HYDIN: variants seen among roughly 807,000 people sequenced by gnomAD.
HYDIN encodes the protein axonemal central pair apparatus protein HYDIN.
HYDIN carries 132 observed loss-of-function variants against 403.9 expected under a neutral mutation model. The observed-to-expected ratio is 0.33, with a 90% CI of 0.28 to 0.38. The LOEUF is 0.38. HYDIN is among the 10% of genes least tolerant of loss of function. HYDIN has a pLI of 1.00. For missense variants in HYDIN, 2,827 were observed against 5,009.5 expected (o/e 0.56, Z 13.15); for synonymous variants, 1,202 against 1,891.7 (o/e 0.64, Z 9.46).
At chr16:70,820,187 CTTTTTT>C (rs57769826) in intron 83 of HYDIN, among the ~76,000 whole-genome samples, 3 of 91,814 alleles carry the variant, frequency 3.3e-5, no homozygotes, top group Non-Finnish European at 4.4e-5. Context: ...TTTCTTTTTT[CTTTTTT>C]TTTTTTTTTT....
At chr16:71,139,476 AT>A (rs1237806180) in intron 7 of HYDIN, among the ~76,000 whole-genome samples, 4 of 152,192 alleles carry the variant, frequency 2.6e-5, no homozygotes, top group Non-Finnish European at 5.9e-5. Context: ...CCAATTATAC[AT>A]ACTATGTTTA....
chr16:71,128,152 T>C (rs890746321), intron 9 of HYDIN, among the ~76,000 whole-genome samples: 5 of 152,220 alleles, frequency 3.3e-5, no homozygotes, highest in African/African-American at 1.2e-4. Flanking sequence ...TCTTTGACTA[T>C]GAAAATCACC....
At chr16:71,051,645 C>CAAAAAAA (rs56676777) in intron 18 of HYDIN, among the ~76,000 whole-genome samples, 100 of 120,036 alleles carry the variant, frequency 8.3e-4, no homozygotes, top group African/African-American at 2.0e-3. Context: ...GACTCTGTCT[C>CAAAAAAA]AAAAAAAAAA....
intron 15 of HYDIN, among the ~76,000 whole-genome samples, chr16:71,066,154 G>T (rs1056015688): frequency 7.9e-5 from 12 of 151,878 alleles, no homozygotes; most frequent in Non-Finnish European, 1.2e-4. Flanking sequence ...GATAGCTGTA[G>T]GGAAAGGGGC....
intron 1 of HYDIN, among the ~76,000 whole-genome samples, chr16:71,193,610 T>C (rs2087543978): frequency 6.6e-6 from 1 of 152,200 alleles, no homozygotes; most frequent in African/African-American, 2.4e-5. Context: ...TGTTCACCTC[T>C]AGGAACTCAT....
At chr16:70,886,703 C>G (rs1402962308) in intron 58 of HYDIN, among the ~76,000 whole-genome samples, 2 of 152,204 alleles carry the variant, frequency 1.3e-5, no homozygotes, top group Non-Finnish European at 2.9e-5. Flanking sequence ...TCTGGGTCCA[C>G]AGTTATTGGT....
At chr16:70,979,849 T>C (rs2078993526) in intron 29 of HYDIN, among the ~76,000 whole-genome samples, 1 of 152,072 alleles carries the variant, frequency 6.6e-6, no homozygotes, top group African/African-American at 2.4e-5. Flanking sequence ...GCTTGAGCCC[T>C]GGAGGTGGAG....
In HYDIN at chr16:70,855,236, T is replaced by G. The variant is rs773387381; in HGVS notation, c.12335A>C (p.Glu4112Ala). The change falls in exon 73 of 86, where the codon GAG (glutamate) becomes GCG (alanine). Residue 4112 changes from glutamate (E) to alanine (A), a missense_variant. By Grantham distance (107) the Glu-to-Ala change is moderately radical. Coordinates refer to ENST00000393567, the MANE Select transcript of HYDIN (RefSeq NM_001270974.2). ...GAAGGAAAAATCGAACCCCTGCTCC[T>G]CCTTGTTAATGATCTGCACAGTCTC... is the stretch of plus-strand genomic sequence containing the variant. ...ARETVQIINKEEQGFDFSFQD... is the reference protein window; with the variant it reads ...ARETVQIINKAEQGFDFSFQD... 4 of 1,571,944 alleles carry G rather than the reference T, an allele frequency of 2.5e-6. No homozygotes were observed. In the East Asian group the frequency reaches 9.2e-5, roughly 36 times the overall value.
intron 60 of HYDIN, among the ~76,000 whole-genome samples, chr16:70,880,824 A>G (rs2040751038): frequency 6.6e-6 from 1 of 152,128 alleles, no homozygotes; most frequent in African/African-American, 2.4e-5. Context: ...AACTGAGGGC[A>G]CTCAGGTTTC....
At chr16:71,205,545 G>A (rs538728189) in intron 1 of HYDIN, among the ~76,000 whole-genome samples, 56 of 152,202 alleles carry the variant, frequency 3.7e-4, no homozygotes, top group Non-Finnish European at 6.6e-4. Context: ...CCCCAGAGCA[G>A]ACCAGCACCA....
At chr16:70,848,979 G>T (rs1277027521) in intron 75 of HYDIN, among the ~76,000 whole-genome samples, 1 of 151,400 alleles carries the variant, frequency 6.6e-6, no homozygotes, top group Non-Finnish European at 1.5e-5. Flanking sequence ...AATTACAACT[G>T]ATTGTTTTTG....
At chr16:71,207,947 G>C (rs750848209) in intron 1 of HYDIN, among the ~76,000 whole-genome samples, 2 of 152,128 alleles carry the variant, frequency 1.3e-5, no homozygotes, top group Non-Finnish European at 2.9e-5. Context: ...TCTATGAATA[G>C]GCTTAGTTTC....
rs371312960 is a variant in HYDIN at position 70,857,878 on chromosome 16, G to T, written c.12130-8C>A. The T allele has an allele frequency of 1.2e-6, 2 of 1,613,096 alleles. No homozygotes were observed. Among genetic ancestry groups the T allele is most frequent in the Non-Finnish European group, 8.5e-7 (1 of 1,179,714 alleles). On this transcript the variant is annotated splice_region_variant and splice_polypyrimidine_tract_variant and intron_variant, in intron 71 of 85. Coordinates refer to ENST00000393567, the MANE Select transcript of HYDIN (RefSeq NM_001270974.2). ...TGTGAACTGGAACACGATCTAACAA[G>T]ACAATTTGGAACAGAGTGGTAAAAG...
At chr16:70,934,484 T>C (rs1405676107) in intron 45 of HYDIN, among the ~76,000 whole-genome samples, 1 of 152,178 alleles carries the variant, frequency 6.6e-6, no homozygotes, top group Non-Finnish European at 1.5e-5. Flanking sequence ...AGGTCTTTAG[T>C]CATTCCCTTT....
chr16:70,859,870 G>A (rs900054803), intron 71 of HYDIN, among the ~76,000 whole-genome samples, 198 bp downstream of exon 71: 1 of 152,030 alleles, frequency 6.6e-6, no homozygotes, highest in African/African-American at 2.4e-5. Flanking sequence ...TCCATGGCTA[G>A]CCAAGAGAGC....
At chr16:71,163,025 T>C (rs1480976184) in intron 5 of HYDIN, among the ~76,000 whole-genome samples, 1 of 152,048 alleles carries the variant, frequency 6.6e-6, no homozygotes, top group East Asian at 1.9e-4. Context: ...CAGGCCCATT[T>C]CTCCTGTAGA....
At chr16:71,189,142 T>C in intron 1 of HYDIN, among the ~76,000 whole-genome samples, 1 of 152,206 alleles carries the variant, frequency 6.6e-6, no homozygotes, top group Non-Finnish European at 1.5e-5. Context: ...CATGTACATC[T>C]GACTCAGCAA....
chr16:70,820,251 C>T (rs1163639703), intron 83 of HYDIN, among the ~76,000 whole-genome samples: 13 of 122,700 alleles, frequency 1.1e-4, no homozygotes, highest in Non-Finnish European at 1.6e-4. Context: ...AGTGCAGTGG[C>T]GCAATCTCGG....
rs1418966649 is a variant in HYDIN at position 70,820,072 on chromosome 16, G to A, written c.14428-1500C>T. On this transcript the variant is annotated intron_variant, in intron 83 of 85. Transcript: ENST00000393567. ...CCTGACCTCGTGATCCGCCCGCCTCGGCCTCCCAAAGTGCTGAGTTTACAG... is the reference window on the plus strand; with the variant it reads ...CCTGACCTCGTGATCCGCCCGCCTCAGCCTCCCAAAGTGCTGAGTTTACAG... Among the ~76,000 whole-genome samples, 13 of 148,542 alleles carry A rather than the reference G, an allele frequency of 8.8e-5. No homozygotes were observed. In the South Asian group the frequency reaches 2.8e-3, roughly 32 times the overall value.
Sources: allele counts gnomAD v4.1 joint callset (sites outside exome capture counted in the v4.1 genomes callset), GRCh38; gene constraint gnomAD v4.1.1; transcripts MANE v1.5; gene names NCBI Gene and HGNC (gene_info 2026-07-23, HGNC 2026-07-21).